PPHLN1: variants seen among roughly 807,000 people sequenced by gnomAD.
PPHLN1 encodes the protein periphilin 1.
Under a neutral mutation model 51.3 loss-of-function variants are expected in PPHLN1, and 29 were observed. The ratio of observed to expected loss-of-function variants is 0.57; its 90% CI spans 0.42 to 0.77. PPHLN1 has a LOEUF of 0.77. Ranked by LOEUF, PPHLN1 falls within the 30% of genes least tolerant of loss-of-function variation. The probability of loss-of-function intolerance (pLI) is 0.00; values close to 1 mark genes in which losing one functional copy is unlikely to be tolerated. For synonymous variants in PPHLN1, 147 were observed against 147.8 expected (o/e 0.99, Z 0.04); for missense variants, 436 against 438.4 (o/e 0.99, Z 0.05).
chr12:42,426,860 A>T (rs918163787), intron 9 of PPHLN1, among the ~76,000 whole-genome samples: 1 of 151,976 alleles, frequency 6.6e-6, no homozygotes, highest in Admixed American at 6.6e-5. Context: ...TGCGACCTAT[A>T]TATTGAATTG....
At chr12:42,336,121 G>A (rs927897691) in intron 2 of PPHLN1, 147 bp downstream of exon 2, 2 of 436,890 alleles carry the variant, frequency 4.6e-6, no homozygotes, top group Admixed American at 4.2e-5. Context: ...TCTTTTAAAA[G>A]TTAAAAGTTC....
At chr12:42,337,847 A>G (rs551462170) in intron 2 of PPHLN1, among the ~76,000 whole-genome samples, 93 of 150,636 alleles carry the variant, frequency 6.2e-4, no homozygotes, top group African/African-American at 2.0e-3. Context: ...GCAGCGGTAC[A>G]ATCTTGGCTC....
At chr12:42,352,181 C>A in intron 3 of PPHLN1, 132 bp downstream of exon 3, 1 of 794,228 alleles carries the variant, frequency 1.3e-6, no homozygotes, top group Non-Finnish European at 1.7e-6. Context: ...ATGTGAATTG[C>A]CTGCTGGAGC....
chr12:42,393,807 G>T, intron 8 of PPHLN1, 118 bp downstream of exon 8: 1 of 1,013,752 alleles, frequency 9.9e-7, no homozygotes, highest in Non-Finnish European at 1.4e-6. Flanking sequence ...ATGGATTACA[G>T]GTATTAAAAT....
chr12:42,445,045 AG>A (rs1400289875), downstream of PPHLN1: 1 of 702,250 alleles, frequency 1.4e-6, no homozygotes, highest in Non-Finnish European at 2.6e-6. Context: ...TATTTATTGC[AG>A]AACCTTGAAA....
chr12:42,360,348 T>C (rs1379622689), intron 4 of PPHLN1, among the ~76,000 whole-genome samples: 2 of 151,718 alleles, frequency 1.3e-5, no homozygotes, highest in African/African-American at 2.4e-5. Context: ...AGTTTTTTTT[T>C]TTTCTTTCTC....
chr12:42,420,793 C>T (rs2080939936), intron 9 of PPHLN1, among the ~76,000 whole-genome samples: 1 of 150,566 alleles, frequency 6.6e-6, no homozygotes, highest in Non-Finnish European at 1.5e-5. Context: ...GTACTAAATA[C>T]TGAGAAGTTT....
chr12:42,378,073 G>T (rs1565878573), intron 5 of PPHLN1, among the ~76,000 whole-genome samples: 3 of 150,898 alleles, frequency 2.0e-5, no homozygotes, highest in African/African-American at 4.9e-5. Context: ...CCTGCATCTA[G>T]CTATCTATCT....
At chr12:42,395,689 G>A (rs774252584) in intron 8 of PPHLN1, among the ~76,000 whole-genome samples, 5 of 152,092 alleles carry the variant, frequency 3.3e-5, no homozygotes, top group Non-Finnish European at 4.4e-5. Context: ...GCAAAGTACT[G>A]TGTATGTGTG....
intron 9 of PPHLN1, 27 bp downstream of exon 9, chr12:42,399,021 A>C: frequency 3.7e-6 from 6 of 1,607,732 alleles, no homozygotes; most frequent in Non-Finnish European, 3.4e-6. Flanking sequence ...CTTCATGTAC[A>C]TAATTTTTGT....
chr12:42,408,240 TCACGCCTG>T (rs2079490844), intron 9 of PPHLN1, among the ~76,000 whole-genome samples: 1 of 151,916 alleles, frequency 6.6e-6, no homozygotes, highest in Admixed American at 6.5e-5. Context: ...GTATGGTGGC[TCACGCCTG>T]TAATCCCAGC....
chr12:42,446,340 T>TA, downstream of PPHLN1: 1 of 1,526,252 alleles, frequency 6.6e-7, no homozygotes, highest in Non-Finnish European at 8.8e-7. Flanking sequence ...GTACCTACTA[T>TA]ACCCTATTAA....
intron 9 of PPHLN1, chr12:42,433,226 TG>T: frequency 1.3e-6 from 1 of 748,846 alleles, no homozygotes; most frequent in South Asian, 1.4e-5. Flanking sequence ...CATTTGCTCT[TG>T]AATATACCTC....
At chr12:42,369,391 T>C (rs1047659250) in intron 4 of PPHLN1, among the ~76,000 whole-genome samples, 4 of 152,192 alleles carry the variant, frequency 2.6e-5, no homozygotes, top group African/African-American at 9.7e-5. Flanking sequence ...TCCATAGTTT[T>C]GCTTTCCTGA....
intron 3 of PPHLN1, among the ~76,000 whole-genome samples, chr12:42,354,408 C>G (rs2138277626): frequency 6.6e-6 from 1 of 152,012 alleles, no homozygotes; most frequent in East Asian, 1.9e-4. Flanking sequence ...TGGGGTTTCA[C>G]CATGTTGGCC....
intron 9 of PPHLN1, among the ~76,000 whole-genome samples, chr12:42,401,464 T>G (rs60659836): frequency 0.082 from 11,612 of 142,432 alleles, 507 homozygotes; most frequent in East Asian, 0.16. Flanking sequence ...TACTGGTCTG[T>G]GGCCTGTTAG....
intron 5 of PPHLN1, 141 bp from the exon 6 acceptor site, chr12:42,384,799 A>G: frequency 1.5e-6 from 1 of 664,738 alleles, no homozygotes; most frequent in South Asian, 2.6e-5. Context: ...CCAACTTGAA[A>G]GTAGGGTAGG....
intron 4 of PPHLN1, among the ~76,000 whole-genome samples, chr12:42,373,059 T>A (rs538326843): frequency 1.3e-5 from 2 of 152,238 alleles, no homozygotes; most frequent in Non-Finnish European, 2.9e-5. Flanking sequence ...GTTAGGTTCC[T>A]CGTTAGTCTC....
rs1172552692 is a variant in PPHLN1, at chr12:42,375,164, T to C, written c.511+90T>C. 6 of 1,064,472 alleles carry C rather than the reference T, an allele frequency of 5.6e-6. No individual in the cohort carries two copies. The East Asian group carries it at 1.3e-4, about 23-fold the overall frequency. 65.9% of individuals were successfully genotyped at this position (1,064,472 alleles called of 1,614,324 possible). Reference sequence around the variant, plus strand: ...GATTTCCTTCTAGGTGTAAGAGATTTATTTTTTAAACTTTTTATTTTGAAA... The same window carrying C: ...GATTTCCTTCTAGGTGTAAGAGATTCATTTTTTAAACTTTTTATTTTGAAA... On this transcript the variant is annotated intron_variant, in intron 5 of 9. Coordinates refer to ENST00000358314, the MANE Select transcript of PPHLN1 (RefSeq NM_201439.2).
Sources: allele counts gnomAD v4.1 joint callset (sites outside exome capture counted in the v4.1 genomes callset), GRCh38; gene constraint gnomAD v4.1.1; transcripts MANE v1.5; gene names NCBI Gene and HGNC (gene_info 2026-07-23, HGNC 2026-07-21).